Variants in MTRES1 observed in about 807,000 individuals in gnomAD.
The protein encoded by MTRES1 is uncharacterized protein C6orf203.
A neutral mutation model predicts 17.4 loss-of-function variants in MTRES1; 11 were observed. The observed-to-expected ratio is 0.63, with a 90% CI of 0.40 to 1.05. The LOEUF (loss-of-function observed/expected upper bound fraction) is 1.05, where lower values mean the gene tolerates loss of function less well. Ranked by LOEUF, MTRES1 falls within the 50% of genes least tolerant of loss-of-function variation. The pLI, the probability that MTRES1 is intolerant of heterozygous loss-of-function variation, is 0.00. For missense variants in MTRES1, 268 were observed against 276.2 expected (o/e 0.97, Z 0.21); for synonymous variants, 94 against 99.6 (o/e 0.94, Z 0.34).
chr6:107,044,207 G>T (rs311249), intron 2 of MTRES1, 53 bp from the exon 3 acceptor site: 1,258,319 of 1,291,626 alleles, frequency 0.97, 613,878 homozygotes, highest in East Asian at 1. Context: ...GTCTGGGCTT[G>T]AGTGTACCCA....
intron 3 of MTRES1, among the ~76,000 whole-genome samples, chr6:107,050,551 C>CTTTTTTTTTTTTTTTTTTT (rs142268482): frequency 2.5e-5 from 2 of 81,516 alleles, no homozygotes; most frequent in African/African-American, 5.0e-5. Flanking sequence ...CTCTCCCTTT[C>CTTTTTTTTTTTTTTTTTTT]TTTTTTTTTT....
intron 1 of MTRES1, chr6:107,029,894 C>A: frequency 3.4e-6 from 2 of 595,396 alleles, no homozygotes; most frequent in Non-Finnish European, 6.0e-6. Context: ...GCGTGAGCCA[C>A]CTGCCTGACC....
intron 3 of MTRES1, among the ~76,000 whole-genome samples, chr6:107,048,870 T>A (rs1004928949): frequency 4.1e-5 from 6 of 147,834 alleles, no homozygotes; most frequent in South Asian, 2.3e-4. Context: ...TGTGTTGTCC[T>A]ATCCCTCAAA....
At position 107,051,382 on chromosome 6, in the gene MTRES1, G is replaced by C. The variant is rs2114979317; in HGVS notation, c.*146G>C. ...TTGTGGAAATTGGGATCCATATCTG[G>C]AGACACTTCCCAAGGCCTGCCTCAC... On this transcript the variant is annotated 3_prime_UTR_variant, in exon 4 of 4. Coordinates refer to ENST00000311381, the MANE Select transcript of MTRES1 (RefSeq NM_016487.5). The C allele has an allele frequency of 2.9e-6, 2 of 690,428 alleles. No individual in the cohort carries two copies. The highest frequency in any genetic ancestry group is 5.7e-5 in the East Asian group (2 of 34,916). The allele number at this position is 690,428 out of a possible 1,614,324, so 42.8% of individuals were successfully genotyped here.
chr6:107,036,414 A>G (rs1478717402), intron 1 of MTRES1, among the ~76,000 whole-genome samples: 1 of 152,084 alleles, frequency 6.6e-6, no homozygotes, highest in South Asian at 2.1e-4. Context: ...GTGGTAGCGC[A>G]TGCCTGTAAT....
At chr6:107,028,886 C>G (rs1401787685) in intron 1 of MTRES1, 1 of 985,278 alleles carries the variant, frequency 1.0e-6, no homozygotes, top group African/African-American at 1.7e-5. Flanking sequence ...TCATCCCACA[C>G]CAACGCCAAA....
At chr6:107,037,894 T>G (rs543291071) in intron 1 of MTRES1, among the ~76,000 whole-genome samples, 27 of 151,776 alleles carry the variant, frequency 1.8e-4, no homozygotes, top group African/African-American at 6.3e-4. Flanking sequence ...AATTTTTGTA[T>G]TTTTAGTAGA....
chr6:107,042,068 T>C (rs311254), intron 2 of MTRES1, among the ~76,000 whole-genome samples: 152,037 of 152,042 alleles, frequency 1, 76,016 homozygotes, highest in Middle Eastern at 1. Context: ...GGGCCGGGTG[T>C]GGTGGCTCAC....
chr6:107,036,624 A>G (rs1313762647), intron 1 of MTRES1, among the ~76,000 whole-genome samples: 3 of 152,096 alleles, frequency 2.0e-5, no homozygotes, highest in Non-Finnish European at 4.4e-5. Context: ...CAGGCAGATC[A>G]CGAGGTCAGG....
At chr6:107,046,786 G>T (rs1283645634) in intron 3 of MTRES1, among the ~76,000 whole-genome samples, 1 of 152,122 alleles carries the variant, frequency 6.6e-6, no homozygotes, top group Admixed American at 6.6e-5. Context: ...GTAGGTGTTG[G>T]GTAACTGTTG....
intron 3 of MTRES1, among the ~76,000 whole-genome samples, chr6:107,044,791 G>T (rs1284250287): frequency 6.6e-6 from 1 of 152,170 alleles, no homozygotes; most frequent in Non-Finnish European, 1.5e-5. Context: ...TTATAGAAAA[G>T]GATGTGTTCT....
intron 2 of MTRES1, chr6:107,041,015 A>C (rs1582606982): frequency 6.6e-6 from 1 of 151,982 alleles, no homozygotes; most frequent in Non-Finnish European, 1.5e-5. Flanking sequence ...TCACAAGGTC[A>C]GGAGATCGAG....
intron 1 of MTRES1, among the ~76,000 whole-genome samples, chr6:107,038,089 C>T (rs1296823895): frequency 2.5e-5 from 2 of 80,870 alleles, no homozygotes; most frequent in African/African-American, 7.2e-5. Context: ...TGCTTTATTT[C>T]CCTTTTAAGA....
rs528634331 is a variant in MTRES1 at position 107,041,062 on chromosome 6, TA to T, written c.470+837del. ...TAGCACGGTGAAACTCCGTCTCTACTAAAAATACAAAAAATTAGCCAGGCGT... is the reference window on the plus strand; with the variant it reads ...TAGCACGGTGAAACTCCGTCTCTACTAAAATACAAAAAATTAGCCAGGCGT... On this transcript the variant is annotated intron_variant, in intron 2 of 3. Transcript: ENST00000311381. Among the ~76,000 whole-genome samples the T allele has an allele frequency of 1.5e-4, 23 of 149,698 alleles. No homozygotes were observed. The South Asian group carries it at 4.6e-3, about 30-fold the overall frequency.
At chr6:107,033,398 T>G (rs1211657989) in intron 1 of MTRES1, among the ~76,000 whole-genome samples, 2 of 151,456 alleles carry the variant, frequency 1.3e-5, no homozygotes, top group African/African-American at 4.8e-5. Flanking sequence ...TTTTTTTTTT[T>G]CAAGTGAGCT....
At chr6:107,037,064 C>G (rs1774035122) in intron 1 of MTRES1, among the ~76,000 whole-genome samples, 1 of 151,958 alleles carries the variant, frequency 6.6e-6, no homozygotes, top group Non-Finnish European at 1.5e-5. Flanking sequence ...CAGGCGTGAG[C>G]CACTGCGCCT....
chr6:107,046,658 C>T (rs1774400094), intron 3 of MTRES1, among the ~76,000 whole-genome samples: 2 of 152,148 alleles, frequency 1.3e-5, no homozygotes, highest in African/African-American at 4.8e-5. Context: ...GGAGCCTGTG[C>T]CTGGCTGCTG....
intron 1 of MTRES1, among the ~76,000 whole-genome samples, chr6:107,037,643 G>C (rs1365560372): frequency 6.6e-6 from 1 of 152,076 alleles, no homozygotes; most frequent in Non-Finnish European, 1.5e-5. Flanking sequence ...GTAATTATTG[G>C]CAACATTTCT....
intron 3 of MTRES1, among the ~76,000 whole-genome samples, 191 bp from the exon 4 acceptor site, chr6:107,050,866 C>T (rs977591303): frequency 7.9e-5 from 12 of 152,110 alleles, no homozygotes; most frequent in Non-Finnish European, 1.6e-4. Flanking sequence ...CGTGAGCCAC[C>T]GCACCTGACC....
Sources: gnomAD v4.1 joint callset for allele counts (sites outside exome capture counted in the v4.1 genomes callset) on GRCh38, gnomAD v4.1.1 for gene constraint, MANE v1.5 for transcripts, NCBI Gene and HGNC (gene_info 2026-07-23, HGNC 2026-07-21) for gene names.